EMCN: variants seen among roughly 807,000 people sequenced by gnomAD.
EMCN encodes the protein endomucin.
Under a neutral mutation model 38.4 loss-of-function variants are expected in EMCN, and 37 were observed. The observed-to-expected ratio is 0.96, with a 90% confidence interval of 0.74 to 1.27. The LOEUF (loss-of-function observed/expected upper bound fraction) is 1.27, where lower values mean the gene tolerates loss of function less well. EMCN is among the 50% of genes most tolerant of loss of function. The probability of loss-of-function intolerance (pLI) is 0.00; values close to 1 mark genes in which losing one functional copy is unlikely to be tolerated. For synonymous variants in EMCN, 95 were observed against 100.8 expected (o/e 0.94, Z 0.35); for missense variants, 318 against 302.8 (o/e 1.05, Z -0.37).
chr4:100,472,211 A>G (rs1728497343), intron 3 of EMCN, among the ~76,000 whole-genome samples: 1 of 152,056 alleles, frequency 6.6e-6, no homozygotes, highest in African/African-American at 2.4e-5. Context: ...TAAGGAATAC[A>G]CATTCACATA....
In EMCN at chr4:100,507,658, TC is replaced by T. The variant is rs1729519018; in HGVS notation, c.64+10192del. ...CCAATTAATGAGTTTCCCCATCTCCTCTTCCCAGCTTCCCAGCTGTCTTAGA... is the reference window on the plus strand; with the variant it reads ...CCAATTAATGAGTTTCCCCATCTCCTTTCCCAGCTTCCCAGCTGTCTTAGA... On this transcript the variant is annotated intron_variant, in intron 1 of 11. Coordinates refer to ENST00000296420, the MANE Select transcript of EMCN (RefSeq NM_016242.4). 3.3e-5 allele frequency among the ~76,000 whole-genome samples: 5 copies of T among 152,190 alleles called. 1 individual carries two copies. In the South Asian group the frequency reaches 1.0e-3, roughly 31 times the overall value.
intron 10 of EMCN, among the ~76,000 whole-genome samples, chr4:100,414,396 G>T (rs562936771): frequency 1.5e-5 from 2 of 134,068 alleles, no homozygotes; most frequent in African/African-American, 5.9e-5. Context: ...CCCTGACCTG[G>T]TAAAATAGGC....
At chr4:100,414,159 C>T (rs1357177735) in intron 10 of EMCN, among the ~76,000 whole-genome samples, 1 of 152,088 alleles carries the variant, frequency 6.6e-6, no homozygotes, top group Non-Finnish European at 1.5e-5. Context: ...CAGAGCACTT[C>T]CAGGTATGTT....
chr4:100,410,348 G>A lies in EMCN; in HGVS notation c.759C>T (p.His253=), dbSNP rs755223520. Residue 253 remains histidine (H), a synonymous_variant, in exon 11 of 12, where the codon CAC becomes CAT. Transcript: ENST00000296420. ...VKTISHESGE[H]SAQGKTKN The stretch of plus-strand genomic sequence containing the variant: ...AGTTCTTGGTTTTTCCTTGTGCAGA[G>A]TGCTCACCTGAGAACAGAAGATATG... 1 of 1,613,752 alleles carries A rather than the reference G, an allele frequency of 6.2e-7. No homozygotes were observed. The highest frequency in any genetic ancestry group is 1.7e-5 in the Admixed American group (1 of 60,014).
chr4:100,503,259 A>G (rs1368269045), intron 1 of EMCN, among the ~76,000 whole-genome samples: 1 of 152,076 alleles, frequency 6.6e-6, no homozygotes, highest in African/African-American at 2.4e-5. Flanking sequence ...GAAGTTTTGT[A>G]TTTCTGCTTG....
intron 5 of EMCN, among the ~76,000 whole-genome samples, chr4:100,436,507 T>A (rs908628603): frequency 6.6e-6 from 1 of 152,164 alleles, no homozygotes; most frequent in Admixed American, 6.6e-5. Context: ...AATCCCATTA[T>A]TGGATATATA....
chr4:100,453,033 T>C (rs1727892039), intron 4 of EMCN, among the ~76,000 whole-genome samples: 1 of 152,178 alleles, frequency 6.6e-6, no homozygotes, highest in African/African-American at 2.4e-5. Flanking sequence ...TAATTCAAGA[T>C]GGGTTAAAGA....
At chr4:100,451,527 T>C (rs1448914890) in intron 4 of EMCN, among the ~76,000 whole-genome samples, 1 of 151,958 alleles carries the variant, frequency 6.6e-6, no homozygotes, top group African/African-American at 2.4e-5. Context: ...GTCAGTATCT[T>C]GTCATATATT....
chr4:100,416,996 A>C, intron 9 of EMCN, 121 bp downstream of exon 9: 1 of 975,180 alleles, frequency 1.0e-6, no homozygotes, highest in Non-Finnish European at 1.6e-6. Flanking sequence ...ACAAACAGTT[A>C]AAGCCAATAT....
chr4:100,502,389 G>C (rs1239313053), intron 1 of EMCN, among the ~76,000 whole-genome samples: 1 of 151,988 alleles, frequency 6.6e-6, no homozygotes, highest in African/African-American at 2.4e-5. Context: ...CTATGCTTGT[G>C]GCTTGATTTT....
At chr4:100,437,523 G>C (rs1484849990) in intron 5 of EMCN, among the ~76,000 whole-genome samples, 1 of 151,712 alleles carries the variant, frequency 6.6e-6, no homozygotes, top group Admixed American at 6.6e-5. Flanking sequence ...TCTTCTAGGA[G>C]TTTTATAGTT....
intron 5 of EMCN, among the ~76,000 whole-genome samples, chr4:100,436,381 A>G (rs964014890): frequency 1.3e-5 from 2 of 152,164 alleles, no homozygotes; most frequent in Non-Finnish European, 2.9e-5. Flanking sequence ...ATGAGATTGC[A>G]GAGAAAAAGG....
chr4:100,422,923 A>G, intron 7 of EMCN, 98 bp downstream of exon 7: 4 of 1,226,122 alleles, frequency 3.3e-6, no homozygotes, highest in Non-Finnish European at 4.8e-6. Context: ...AGTAAAGTTG[A>G]GAAAAGGCTG....
At chr4:100,409,716 G>A (rs1726496964) in intron 11 of EMCN, among the ~76,000 whole-genome samples, 1 of 152,030 alleles carries the variant, frequency 6.6e-6, no homozygotes, top group African/African-American at 2.4e-5. Flanking sequence ...CACATCCATG[G>A]TTTCTGGACC....
chr4:100,514,854 T>C (rs1217040249), intron 1 of EMCN, among the ~76,000 whole-genome samples: 1 of 152,148 alleles, frequency 6.6e-6, no homozygotes, highest in African/African-American at 2.4e-5. Context: ...GTAAATTTTC[T>C]ATGTCATTCT....
rs1286633267 is a variant in EMCN at position 100,423,237 on chromosome 4, G to A, written c.508+75C>T. 5.8e-6 allele frequency: 8 copies of A among 1,371,320 alleles called. No individual in the cohort carries two copies. In the East Asian group the frequency reaches 1.8e-4, roughly 32 times the overall value. 84.9% of individuals were successfully genotyped at this position (1,371,320 alleles called of 1,614,324 possible). A position where few individuals can be genotyped will look rare whatever the true frequency, so the allele number is the denominator to read the frequency against. On this transcript the variant is annotated intron_variant, in intron 6 of 11. Transcript: ENST00000296420. ...ATTCTGAAGGAGCTCTGTTTTGTGAGTCAAGATTGTTAGGGTTTCAGTCAA... is the reference window on the plus strand; with the variant it reads ...ATTCTGAAGGAGCTCTGTTTTGTGAATCAAGATTGTTAGGGTTTCAGTCAA...
intron 1 of EMCN, among the ~76,000 whole-genome samples, chr4:100,489,090 AT>A (rs1386231243): frequency 3.3e-5 from 5 of 152,176 alleles, no homozygotes; most frequent in Non-Finnish European, 5.9e-5. Flanking sequence ...CTGGTAACCA[AT>A]TTTGACTTTT....
intron 8 of EMCN, among the ~76,000 whole-genome samples, chr4:100,420,301 A>G (rs930613578): frequency 6.6e-6 from 1 of 151,882 alleles, no homozygotes; most frequent in Non-Finnish European, 1.5e-5. Context: ...AATTAAAGGT[A>G]GAATTCATTC....
intron 5 of EMCN, among the ~76,000 whole-genome samples, chr4:100,440,526 T>C (rs1727482307): frequency 6.6e-6 from 1 of 152,128 alleles, no homozygotes; most frequent in Non-Finnish European, 1.5e-5. Flanking sequence ...TCACTTAAAA[T>C]AATGGCCTCC....
Sources: allele counts gnomAD v4.1 joint callset (sites outside exome capture counted in the v4.1 genomes callset), GRCh38; gene constraint gnomAD v4.1.1; transcripts MANE v1.5; gene names NCBI Gene and HGNC (gene_info 2026-07-23, HGNC 2026-07-21).